Variants in B3GALT1 observed in about 807,000 individuals in gnomAD.
The protein encoded by B3GALT1 is UDP-Gal:betaGlcNAc beta 1,3-galactosyltransferase, polypeptide 1.
A neutral mutation model predicts 23.2 loss-of-function variants in B3GALT1; 10 were observed. That is an observed-to-expected ratio of 0.43 (90% CI 0.27 to 0.73). The LOEUF is 0.73. Among genes scored for constraint, B3GALT1 ranks in the 30% least tolerant of loss-of-function variants. B3GALT1 has a pLI of 0.21. For synonymous variants in B3GALT1, 156 were observed against 141.5 expected (o/e 1.10, Z -0.73); for missense variants, 299 against 405.4 (o/e 0.74, Z 2.25).
chr2:167,646,205 C>T (rs1250952830), intron 2 of B3GALT1, among the ~76,000 whole-genome samples: 2 of 152,094 alleles, frequency 1.3e-5, no homozygotes, highest in East Asian at 1.9e-4. Flanking sequence ...GCTCAAAAAG[C>T]ATTACCACAG....
chr2:167,357,009 C>T (rs949957198), intron 1 of B3GALT1, among the ~76,000 whole-genome samples: 1 of 151,124 alleles, frequency 6.6e-6, no homozygotes, highest in Non-Finnish European at 1.5e-5. Flanking sequence ...AATGATTTTC[C>T]CAGTTTGTAT....
intron 3 of B3GALT1, among the ~76,000 whole-genome samples, chr2:167,776,288 A>G (rs1267610720): frequency 6.6e-6 from 1 of 152,180 alleles, no homozygotes; most frequent in Non-Finnish European, 1.5e-5. Context: ...AAACTTCCAC[A>G]CTATTTTTCC....
At chr2:167,500,635 G>GA (rs11421714) in intron 2 of B3GALT1, among the ~76,000 whole-genome samples, 62,652 of 149,630 alleles carry the variant, frequency 0.42, 14,095 homozygotes, top group East Asian at 0.87. Flanking sequence ...GACTTATAAG[G>GA]AAAAAAAAAA....
chr2:167,390,884 A>G (rs879620389), intron 1 of B3GALT1, among the ~76,000 whole-genome samples: 1 of 152,198 alleles, frequency 6.6e-6, no homozygotes, highest in Non-Finnish European at 1.5e-5. Flanking sequence ...TGCTTTAACA[A>G]CTACCACATA....
intron 2 of B3GALT1, among the ~76,000 whole-genome samples, chr2:167,502,323 C>G (rs2105348869): frequency 6.6e-6 from 1 of 152,194 alleles, no homozygotes; most frequent in Non-Finnish European, 1.5e-5. Context: ...GGGGAATATC[C>G]AAAGAAAAGC....
intron 1 of B3GALT1, among the ~76,000 whole-genome samples, chr2:167,486,042 G>A (rs1699622199): frequency 6.6e-6 from 1 of 152,162 alleles, no homozygotes; most frequent in Non-Finnish European, 1.5e-5. Flanking sequence ...ATTGAAATTT[G>A]AGAAAGTCTT....
In B3GALT1 at chr2:167,436,986, G is replaced by C. The variant is rs1231476164; in HGVS notation, c.-510-53191G>C. ...GAAAAACTGAGAGGCGGGGAGCAAT[G>C]TTAAAGTTCTTGTGGCATTATGGAG... On this transcript the variant is annotated intron_variant, in intron 1 of 4. Coordinates refer to ENST00000392690, the MANE Select transcript of B3GALT1 (RefSeq NM_020981.4). Among the ~76,000 whole-genome samples the C allele has an allele frequency of 2.6e-5, 4 of 152,192 alleles. No homozygotes were observed. The East Asian group carries it at 5.8e-4, about 22-fold the overall frequency.
In B3GALT1 at chr2:167,339,955, A is replaced by T. The variant is rs539358910; in HGVS notation, c.-511+46621A>T. ...AACAAGCAGAGCTTTTTATAACCCT[A>T]TTGGGCTGGAGAAACAAAAATGGAG... is the stretch of plus-strand genomic sequence containing the variant. On this transcript the variant is annotated intron_variant, in intron 1 of 4. Coordinates refer to ENST00000392690, the MANE Select transcript of B3GALT1 (RefSeq NM_020981.4). Among the ~76,000 whole-genome samples, 28 of 152,240 alleles carry T rather than the reference A, an allele frequency of 1.8e-4. No homozygotes were observed. The East Asian group carries it at 2.3e-3, about 13-fold the overall frequency.
At chr2:167,606,162 G>A (rs775299969) in intron 2 of B3GALT1, among the ~76,000 whole-genome samples, 2 of 152,138 alleles carry the variant, frequency 1.3e-5, no homozygotes, top group African/African-American at 4.8e-5. Context: ...CAAAGAAATG[G>A]GTGTGTTGAG....
intron 1 of B3GALT1, among the ~76,000 whole-genome samples, chr2:167,405,129 AT>A (rs1190776149): frequency 6.6e-6 from 1 of 152,204 alleles, no homozygotes; most frequent in African/African-American, 2.4e-5. Context: ...TAAGCATCAT[AT>A]TGCTACAATA....
At chr2:167,619,571 A>T (rs1334130055) in intron 2 of B3GALT1, among the ~76,000 whole-genome samples, 1 of 152,100 alleles carries the variant, frequency 6.6e-6, no homozygotes, top group Non-Finnish European at 1.5e-5. Context: ...GCAGAAAGAA[A>T]ATAAAGCATG....
At chr2:167,322,864 G>A (rs1696834641) in intron 1 of B3GALT1, among the ~76,000 whole-genome samples, 1 of 151,838 alleles carries the variant, frequency 6.6e-6, no homozygotes, top group Non-Finnish European at 1.5e-5. Flanking sequence ...CACTAAATGG[G>A]GGCTTTCAGA....
chr2:167,387,687 T>A (rs1186310791), intron 1 of B3GALT1, among the ~76,000 whole-genome samples: 5 of 152,192 alleles, frequency 3.3e-5, no homozygotes, highest in Non-Finnish European at 7.3e-5. Flanking sequence ...ACTAGTGAAA[T>A]CATAGAATGT....
chr2:167,620,452 A>C (rs2105438745), intron 2 of B3GALT1, among the ~76,000 whole-genome samples: 1 of 152,228 alleles, frequency 6.6e-6, no homozygotes, highest in South Asian at 2.1e-4. Flanking sequence ...GCAAAATACA[A>C]AATCATTAGT....
At chr2:167,506,971 T>C (rs1245681638) in intron 2 of B3GALT1, among the ~76,000 whole-genome samples, 4 of 152,202 alleles carry the variant, frequency 2.6e-5, no homozygotes, top group African/African-American at 4.8e-5. Context: ...CATACCCTGC[T>C]ATCACTCTAA....
At chr2:167,630,740 G>T (rs1297376332) in intron 2 of B3GALT1, among the ~76,000 whole-genome samples, 1 of 151,584 alleles carries the variant, frequency 6.6e-6, no homozygotes, top group South Asian at 2.1e-4. Flanking sequence ...ACCAAACTTT[G>T]TAATTTTCTG....
chr2:167,488,389 C>G (rs1559111716), intron 1 of B3GALT1, among the ~76,000 whole-genome samples: 1 of 152,180 alleles, frequency 6.6e-6, no homozygotes, highest in Admixed American at 6.5e-5. Context: ...AGGGCTGTGT[C>G]TATTTTGCTA....
intron 1 of B3GALT1, among the ~76,000 whole-genome samples, chr2:167,296,299 C>T (rs1696348824): frequency 6.6e-6 from 1 of 152,144 alleles, no homozygotes; most frequent in Admixed American, 6.5e-5. Flanking sequence ...TTTAATTTGT[C>T]AGATAGTCAC....
intron 1 of B3GALT1, among the ~76,000 whole-genome samples, chr2:167,455,153 A>G (rs1699149391): frequency 6.6e-6 from 1 of 152,220 alleles, no homozygotes; most frequent in African/African-American, 2.4e-5. Flanking sequence ...TTTTCTATGT[A>G]TGTCCCATGA....
Sources: allele counts gnomAD v4.1 joint callset (sites outside exome capture counted in the v4.1 genomes callset), GRCh38; gene constraint gnomAD v4.1.1; transcripts MANE v1.5; gene names NCBI Gene and HGNC (gene_info 2026-07-23, HGNC 2026-07-21).